Variants in ADAMTSL1 observed in about 807,000 individuals in gnomAD.
ADAMTSL1 encodes ADAMTS like 1.
A neutral mutation model predicts 201.8 loss-of-function variants in ADAMTSL1; 126 were observed. The observed-to-expected ratio is 0.62, with a 90% confidence interval of 0.54 to 0.72. ADAMTSL1 has a LOEUF of 0.72. Ranked by LOEUF, ADAMTSL1 falls within the 30% of genes least tolerant of loss-of-function variation. The pLI is 0.00. For synonymous variants in ADAMTSL1, 1,121 were observed against 903.4 expected (o/e 1.24, Z -4.32); for missense variants, 2,679 against 2,277.8 (o/e 1.18, Z -3.59).
At position 18,354,634 on chromosome 9, in the gene ADAMTSL1, G is replaced by A. The variant is rs563965697; in HGVS notation, c.208-150195G>A. 5.3e-5 allele frequency among the ~76,000 whole-genome samples: 8 copies of A among 152,240 alleles called. No individual in the cohort carries two copies. The East Asian group carries it at 1.5e-3, about 29-fold the overall frequency. ...GTAGGCAACACAGTGGTTAAAGGTG[G>A]GAGAGTGGTGTGTGTCTAATGTGGT... On this transcript the variant is annotated intron_variant, in intron 2 of 29. Coordinates refer to the ADAMTSL1 transcript ENST00000680146.
At chr9:18,093,429 A>C (rs1824111510) in intron 1 of ADAMTSL1, among the ~76,000 whole-genome samples, 1 of 152,210 alleles carries the variant, frequency 6.6e-6, no homozygotes, top group South Asian at 2.1e-4. Context: ...TGTAGTTGAA[A>C]GTTAACAAGG....
chr9:18,067,362 A>G (rs1822752265), intron 1 of ADAMTSL1, among the ~76,000 whole-genome samples: 1 of 140,438 alleles, frequency 7.1e-6, no homozygotes, highest in African/African-American at 2.5e-5. Flanking sequence ...TGCAGTGAAA[A>G]TTCAAAAACA....
intron 2 of ADAMTSL1, among the ~76,000 whole-genome samples, chr9:18,328,392 G>T (rs114289645): frequency 6.6e-6 from 1 of 152,138 alleles, no homozygotes; most frequent in Non-Finnish European, 1.5e-5. Flanking sequence ...GAACTGTGAC[G>T]TAACACCAAC....
chr9:18,021,791 T>C (rs1474396617), intron 1 of ADAMTSL1, among the ~76,000 whole-genome samples: 1 of 152,132 alleles, frequency 6.6e-6, no homozygotes, highest in Non-Finnish European at 1.5e-5. Flanking sequence ...TTATTGCAGA[T>C]GTGGAGTCTC....
At chr9:18,665,712 C>A (rs901898744) in intron 9 of ADAMTSL1, among the ~76,000 whole-genome samples, 21 of 152,080 alleles carry the variant, frequency 1.4e-4, no homozygotes, top group African/African-American at 4.8e-4. Flanking sequence ...CTCCTCCTTA[C>A]ACTCACTGAC....
intron 2 of ADAMTSL1, among the ~76,000 whole-genome samples, chr9:18,348,529 T>G (rs1426981928): frequency 6.6e-6 from 1 of 152,232 alleles, no homozygotes; most frequent in Non-Finnish European, 1.5e-5. Context: ...TGCTACGTAA[T>G]GAGTAGATTC....
intron 14 of ADAMTSL1, among the ~76,000 whole-genome samples, chr9:18,713,613 C>A (rs966824318): frequency 1.3e-4 from 20 of 150,614 alleles, no homozygotes; most frequent in Admixed American, 2.6e-4. Context: ...TCCTGAGTGA[C>A]CTACAAAGAG....
intron 1 of ADAMTSL1, among the ~76,000 whole-genome samples, chr9:17,979,439 CA>C (rs1454587650): frequency 1.3e-5 from 2 of 151,966 alleles, no homozygotes; most frequent in Admixed American, 1.3e-4. Context: ...CTCTCTTGAT[CA>C]AGAAAGATCA....
At chr9:18,405,741 T>C (rs2133286496) in intron 2 of ADAMTSL1, among the ~76,000 whole-genome samples, 1 of 152,220 alleles carries the variant, frequency 6.6e-6, no homozygotes, top group East Asian at 1.9e-4. Flanking sequence ...TACAATAATA[T>C]GTTATGTTTA....
intron 2 of ADAMTSL1, among the ~76,000 whole-genome samples, chr9:18,369,395 C>T (rs1210791322): frequency 6.6e-6 from 1 of 152,140 alleles, no homozygotes; most frequent in Non-Finnish European, 1.5e-5. Flanking sequence ...TATCACTAAT[C>T]ATCAGAGAAA....
At chr9:18,396,485 A>G (rs976231547) in intron 2 of ADAMTSL1, among the ~76,000 whole-genome samples, 37 of 148,502 alleles carry the variant, frequency 2.5e-4, no homozygotes, top group Admixed American at 6.7e-5. Context: ...TTATATTAAC[A>G]AATATTAAAC....
chr9:18,895,442 T>C (rs1311195003), intron 26 of ADAMTSL1, among the ~76,000 whole-genome samples: 1 of 114,834 alleles, frequency 8.7e-6, no homozygotes, highest in African/African-American at 3.5e-5. Flanking sequence ...CTCCCCCCAA[T>C]GTGGCATGGT....
chr9:18,168,587 C>T (rs78834387), intron 2 of ADAMTSL1, among the ~76,000 whole-genome samples: 5 of 151,248 alleles, frequency 3.3e-5, no homozygotes, highest in African/African-American at 1.2e-4. Flanking sequence ...ACTAAACATA[C>T]GTGTGCCTGT....
At chr9:18,141,676 C>T (rs1587143514) in intron 1 of ADAMTSL1, among the ~76,000 whole-genome samples, 2 of 152,172 alleles carry the variant, frequency 1.3e-5, no homozygotes, top group Non-Finnish European at 1.5e-5. Context: ...TACAGAAGTA[C>T]TTCTTGACCA....
intron 2 of ADAMTSL1, among the ~76,000 whole-genome samples, chr9:18,519,814 C>A (rs1018967211): frequency 6.6e-6 from 1 of 152,174 alleles, no homozygotes; most frequent in African/African-American, 2.4e-5. Context: ...ATTTTTTGAG[C>A]AGTATGTTCA....
intron 16 of ADAMTSL1, among the ~76,000 whole-genome samples, chr9:18,765,095 T>A (rs550494557): frequency 1.3e-5 from 2 of 152,362 alleles, no homozygotes; most frequent in East Asian, 3.9e-4. Flanking sequence ...TAAGAAACTC[T>A]AACTGAACAG....
At chr9:18,516,102 G>GAAA (rs1283338041) in intron 2 of ADAMTSL1, among the ~76,000 whole-genome samples, 1 of 130,534 alleles carries the variant, frequency 7.7e-6, no homozygotes, top group Non-Finnish European at 1.7e-5. Flanking sequence ...AAAAAAAAAA[G>GAAA]AAAGAAAAAG....
At position 18,706,952 on chromosome 9, in the gene ADAMTSL1, G is replaced by A. The variant is rs142228605; in HGVS notation, c.1780G>A (p.Glu594Lys). The change falls in exon 14 of 29, where the codon GAG becomes AAG. Residue 594 changes from glutamate to lysine, a missense_variant. Transcript: ENST00000380548. The stretch of plus-strand genomic sequence containing the variant: ...GGAAATTCCTGAGTTCAACCCAGAC[G>A]AGACAGATGGGCTCTTTGGTGGCCT... Reference protein sequence around the residue: ...SGEIPEFNPDETDGLFGGLQD... With the variant: ...SGEIPEFNPDKTDGLFGGLQD... 1.3e-4 allele frequency: 215 copies of A among 1,613,968 alleles called. No individual in the cohort carries two copies. Among genetic ancestry groups the A allele is most frequent in the Non-Finnish European group, 1.4e-4 (170 of 1,179,882 alleles).
At chr9:17,945,580 T>C (rs1356496115) in intron 1 of ADAMTSL1, among the ~76,000 whole-genome samples, 4 of 152,056 alleles carry the variant, frequency 2.6e-5, no homozygotes, top group Admixed American at 6.5e-5. Context: ...TGTCCAACAA[T>C]GATAGACTGG....
Sources: allele counts gnomAD v4.1 joint callset (sites outside exome capture counted in the v4.1 genomes callset), GRCh38; gene constraint gnomAD v4.1.1; transcripts MANE v1.5; gene names NCBI Gene and HGNC (gene_info 2026-07-23, HGNC 2026-07-21).